Variants in IFNLR1 observed in about 807,000 individuals in gnomAD.
IFNLR1 encodes CRF2-12.
In IFNLR1, 28 loss-of-function variants were observed where a neutral mutation model predicts 52.5. The observed-to-expected ratio is 0.53, with a 90% confidence interval of 0.40 to 0.73. The LOEUF (loss-of-function observed/expected upper bound fraction) is 0.73. Among genes scored for constraint, IFNLR1 ranks in the 30% least tolerant of loss-of-function variants. The pLI, the probability that IFNLR1 is intolerant of heterozygous loss-of-function variation, is 0.00. For synonymous variants in IFNLR1, 276 were observed against 274.9 expected (o/e 1.00, Z -0.04); for missense variants, 623 against 659.1 (o/e 0.95, Z 0.60).
At chr1:24,170,805 G>A (rs757286138) in intron 2 of IFNLR1, among the ~76,000 whole-genome samples, 6 of 152,202 alleles carry the variant, frequency 3.9e-5, no homozygotes, top group Non-Finnish European at 8.8e-5. Context: ...ACTTGCTAAC[G>A]GATTGGATGT....
intron 3 of IFNLR1, among the ~76,000 whole-genome samples, chr1:24,162,263 G>A (rs1216701784): frequency 6.6e-6 from 1 of 152,176 alleles, no homozygotes; most frequent in Non-Finnish European, 1.5e-5. Context: ...GTTAGTGGGA[G>A]CCTCTCAGCT....
intron 3 of IFNLR1, among the ~76,000 whole-genome samples, chr1:24,166,203 ATCCT>A (rs1009285851): frequency 1.0e-4 from 6 of 59,648 alleles, no homozygotes; most frequent in South Asian, 1.2e-3. Context: ...CCATCCATCC[ATCCT>A]TCCTTCCTTC....
At position 24,185,342 on chromosome 1, in the gene IFNLR1, G is replaced by A. The variant is rs111302953; in HGVS notation, c.58+1849C>T. On this transcript the variant is annotated intron_variant, in intron 1 of 6. Coordinates refer to ENST00000327535, the MANE Select transcript of IFNLR1 (RefSeq NM_170743.4). ...AACTATTCCATCTATTGACCACTAC[G>A]AGTCAAACAAGATCTGTTGACCACG... 2.6e-3 allele frequency among the ~76,000 whole-genome samples: 398 copies of A among 152,170 alleles called. 2 individuals are homozygous for A. Among genetic ancestry groups the A allele is most frequent in the Middle Eastern group, 0.01 (3 of 294 alleles).
At position 24,157,413 on chromosome 1, in the gene IFNLR1, G is replaced by A; in HGVS notation, c.1280C>T (p.Pro427Leu). 1.9e-6 allele frequency: 3 copies of A among 1,614,214 alleles called. No individual in the cohort carries two copies. Among genetic ancestry groups the A allele is most frequent in the Admixed American group, 3.3e-5 (2 of 60,030 alleles). Residue 427 changes from proline to leucine, a missense_variant, in exon 7 of 7, where the codon CCA becomes CTA. Transcript: ENST00000327535. This position sits in a 1 kb window ranked among gnomAD's most constrained non-coding sequence, Gnocchi z 5.1. ...GGDGHQESLP[P>L]PEFSKDSGFL... ...ACCCGAGTCCTTGGAGAATTCAGGT[G>A]GTGGGAGAGATTCTTGGTGCCCATC...
At position 24,155,481 on chromosome 1, in the gene IFNLR1, C is replaced by T. The variant is rs1644369352; in HGVS notation, c.*1649G>A. The T allele has an allele frequency of 6.6e-6, 1 of 152,192 alleles. No individual in the cohort carries two copies. The highest frequency in any genetic ancestry group is 6.5e-5 in the Admixed American group (1 of 15,278). 9.4% of individuals were successfully genotyped at this position (152,192 alleles called of 1,614,324 possible). ...TAACTTTTTCTTGAGTAGTGGATCCCTCTAAACAAAACCTCACGTGGAAAG... is the reference window on the plus strand; with the variant it reads ...TAACTTTTTCTTGAGTAGTGGATCCTTCTAAACAAAACCTCACGTGGAAAG... On this transcript the variant is annotated 3_prime_UTR_variant, in exon 7 of 7. Transcript: ENST00000327535.
chr1:24,162,301 G>A (rs1211142306), intron 3 of IFNLR1, among the ~76,000 whole-genome samples: 2 of 152,114 alleles, frequency 1.3e-5, no homozygotes, highest in South Asian at 2.1e-4. Flanking sequence ...TTTTCATCAC[G>A]TTACCACTCC....
chr1:24,173,091 T>TA (rs1226839844), intron 2 of IFNLR1, among the ~76,000 whole-genome samples: 1 of 141,366 alleles, frequency 7.1e-6, no homozygotes, highest in Non-Finnish European at 1.5e-5. Flanking sequence ...ACACCTGATA[T>TA]ACTGGATTTT....
chr1:24,169,401 T>C lies in IFNLR1; in HGVS notation c.367+16A>G, dbSNP rs751815240. The C allele has an allele frequency of 2.5e-6, 4 of 1,609,958 alleles. No homozygotes were observed. The South Asian group carries it at 3.3e-5, about 13-fold the overall frequency. The stretch of plus-strand genomic sequence containing the variant: ...GATGGACAGCCTTCCACTCAGTCCC[T>C]TACCCACAGACCTACCTTCAAAAAG... On this transcript the variant is annotated intron_variant, in intron 3 of 6. Transcript: ENST00000327535.
chr1:24,183,533 T>C (rs77593124), intron 1 of IFNLR1, among the ~76,000 whole-genome samples: 1,601 of 152,282 alleles, frequency 0.011, 29 homozygotes, highest in African/African-American at 0.037. Context: ...GCTGCCGTGA[T>C]TGTGCCACTG....
chr1:24,167,390 A>T lies in IFNLR1; in HGVS notation c.367+2027T>A, dbSNP rs557191517. On this transcript the variant is annotated intron_variant, in intron 3 of 6. Coordinates refer to ENST00000327535, the MANE Select transcript of IFNLR1 (RefSeq NM_170743.4). ...CATAATAAATCTCCTCTTATTATAA[A>T]TTTTTTTTTTTTGAGACAAAGTCTT... Among the ~76,000 whole-genome samples the T allele has an allele frequency of 4.0e-4, 60 of 148,168 alleles. No individual in the cohort carries two copies. In the South Asian group the frequency reaches 0.011, roughly 26 times the overall value.
At chr1:24,170,100 A>C (rs1463430034) in intron 2 of IFNLR1, among the ~76,000 whole-genome samples, 1 of 152,202 alleles carries the variant, frequency 6.6e-6, no homozygotes, top group African/African-American at 2.4e-5. Context: ...ACGTGAGGAC[A>C]CAGTGTTTGC....
chr1:24,159,737 G>GTTT, intron 4 of IFNLR1, 104 bp from the exon 5 acceptor site: 10 of 458,744 alleles, frequency 2.2e-5, no homozygotes, highest in Admixed American at 5.5e-5. Context: ...TTTTTTTTTT[G>GTTT]TTTTTTTTTT....
Position 24,180,832 on chromosome 1 carries a change from G to A in IFNLR1, c.81C>T (p.Pro27=). 6.2e-7 allele frequency: 1 copy of A among 1,613,850 alleles called. No homozygotes were observed. Among genetic ancestry groups the A allele is most frequent in the Non-Finnish European group, 8.5e-7 (1 of 1,179,906 alleles). Residue 27 remains proline, a synonymous_variant, in exon 2 of 7, where the codon CCC becomes CCT. Transcript: ENST00000327535. ...AAPGRPRLAP[P]QNVTLLSQNF... ...TCTGGGAGAGCAGCGTCACATTCTG[G>A]GGAGGGGCCAGACGGGGCCTCCCTG... is the stretch of plus-strand genomic sequence containing the variant.
chr1:24,185,301 T>G (rs1644726918), intron 1 of IFNLR1, among the ~76,000 whole-genome samples: 1 of 152,178 alleles, frequency 6.6e-6, no homozygotes, highest in Admixed American at 6.5e-5. Context: ...TGGGGTCTAT[T>G]GAGCTTTATG....
At chr1:24,180,560 A>G (rs565521784) in intron 2 of IFNLR1, among the ~76,000 whole-genome samples, 171 bp downstream of exon 2, 1 of 152,116 alleles carries the variant, frequency 6.6e-6, no homozygotes, top group East Asian at 1.9e-4. Context: ...CCCCACCTCC[A>G]GACCTTTATC....
At chr1:24,185,522 T>C (rs530248967) in intron 1 of IFNLR1, among the ~76,000 whole-genome samples, 1 of 152,368 alleles carries the variant, frequency 6.6e-6, no homozygotes, top group South Asian at 2.1e-4. Flanking sequence ...GGTCCAGTTC[T>C]GTGGATGGCT....
intron 4 of IFNLR1, 86 bp downstream of exon 4, chr1:24,161,455 AG>A (rs1219512789): frequency 6.9e-7 from 1 of 1,453,888 alleles, no homozygotes. Context: ...GGAGGGGTGC[AG>A]GAGCAGGCTG....
At chr1:24,159,737 G>GTTTTTTTTTTTTTGTTT in intron 4 of IFNLR1, 104 bp from the exon 5 acceptor site, 5 of 458,746 alleles carry the variant, frequency 1.1e-5, no homozygotes, top group Admixed American at 5.5e-5. Flanking sequence ...TTTTTTTTTT[G>GTTTTTTTTTTTTTGTTT]TTTTTTTTTT....
rs757135166 is a variant in IFNLR1 at position 24,155,287 on chromosome 1, T to G, written c.*1843A>C. 2.6e-5 allele frequency: 4 copies of G among 152,328 alleles called. No homozygotes were observed. The highest frequency in any genetic ancestry group is 4.4e-5 in the Non-Finnish European group (3 of 68,158). The allele number at this position is 152,328 out of a possible 1,614,324, so 9.4% of individuals were successfully genotyped here. A position where few individuals can be genotyped will look rare whatever the true frequency, so the allele number is the denominator to read the frequency against. On this transcript the variant is annotated 3_prime_UTR_variant, in exon 7 of 7. Coordinates refer to ENST00000327535, the MANE Select transcript of IFNLR1 (RefSeq NM_170743.4). Reference sequence around the variant, plus strand: ...AGAAATCCTGGCTGTGACCTTCATATTTTACTGACATGGACAAGGGGTCAG... The same window carrying G: ...AGAAATCCTGGCTGTGACCTTCATAGTTTACTGACATGGACAAGGGGTCAG...
Sources: allele counts gnomAD v4.1 joint callset (sites outside exome capture counted in the v4.1 genomes callset), GRCh38; gene constraint gnomAD v4.1.1; non-coding constraint Gnocchi (gnomAD v3.1); transcripts MANE v1.5; gene names NCBI Gene and HGNC (gene_info 2026-07-23, HGNC 2026-07-21).